Variants in RGPD2 observed in about 807,000 individuals in gnomAD.
The protein encoded by RGPD2 is RANBP2-like and GRIP domain-containing protein 2.
Under a neutral mutation model 36.0 loss-of-function variants are expected in RGPD2, and 2 were observed. That is an observed-to-expected ratio of 0.06 (90% CI 0.02 to 0.17). The LOEUF (loss-of-function observed/expected upper bound fraction) is 0.17, where lower values mean the gene tolerates loss of function less well. RGPD2 is among the 10% of genes least tolerant of loss of function. RGPD2 has a pLI of 1.00. For synonymous variants in RGPD2, 19 were observed against 163.8 expected (o/e 0.12, Z 6.75); for missense variants, 40 against 464.3 (o/e 0.09, Z 8.40).
the RGPD2 span, among the ~76,000 whole-genome samples, chr2:87,905,436 C>T: frequency 6.6e-6 from 1 of 151,964 alleles, no homozygotes; most frequent in African/African-American, 2.4e-5. Context: ...AAACAAACAC[C>T]AGATAAAAAC....
the RGPD2 span, among the ~76,000 whole-genome samples, chr2:87,929,093 G>C: frequency 3.3e-5 from 5 of 151,728 alleles, no homozygotes; most frequent in African/African-American, 1.2e-4. Flanking sequence ...GTTGCAATAG[G>C]TTTTGGCATC....
the RGPD2 span, among the ~76,000 whole-genome samples, chr2:87,936,210 C>G: frequency 2.0e-5 from 3 of 151,080 alleles, no homozygotes; most frequent in Non-Finnish European, 3.0e-5. Context: ...GAACTGAGAA[C>G]CCCTGGTGTT....
chr2:87,866,689 C>CT, the RGPD2 span, among the ~76,000 whole-genome samples: 5 of 152,226 alleles, frequency 3.3e-5, no homozygotes, highest in Non-Finnish European at 7.3e-5. Context: ...GGCGGATCCA[C>CT]GGCACACACC....
chr2:87,855,355 T>C, the RGPD2 span, among the ~76,000 whole-genome samples: 2 of 150,680 alleles, frequency 1.3e-5, no homozygotes, highest in African/African-American at 2.4e-5. Context: ...CCAACGATGA[T>C]TGAGAGCTCC....
intron 22 of RGPD2, chr2:87,771,383 GTTTTTTTTTTTTTTTTT>G (rs771252838): frequency 1.8e-4 from 4 of 22,732 alleles, no homozygotes; most frequent in Non-Finnish European, 2.4e-4. Flanking sequence ...CTACATCATA[GTTTTTTTTTTTTTTTTT>G]TTTTTTTTTT....
chr2:87,974,012 G>C, the RGPD2 span, among the ~76,000 whole-genome samples: 1 of 152,162 alleles, frequency 6.6e-6, no homozygotes, highest in African/African-American at 2.4e-5. Flanking sequence ...ACTGAAGCAG[G>C]GTCACTGTGT....
At chr2:87,831,303 G>T in the RGPD2 span, among the ~76,000 whole-genome samples, 4 of 152,060 alleles carry the variant, frequency 2.6e-5, no homozygotes, top group Admixed American at 6.6e-5. Flanking sequence ...ACTGGACACA[G>T]TGTAAGGAAA....
the RGPD2 span, among the ~76,000 whole-genome samples, chr2:87,974,925 A>G: frequency 6.6e-6 from 1 of 152,036 alleles, no homozygotes; most frequent in Non-Finnish European, 1.5e-5. Context: ...ACCATATACC[A>G]TAGAGGATCC....
chr2:87,880,118 G>A, the RGPD2 span, among the ~76,000 whole-genome samples: 1 of 119,920 alleles, frequency 8.3e-6, no homozygotes, highest in Non-Finnish European at 1.7e-5. Flanking sequence ...CTTCTTTTGA[G>A]AAAAGTCTAT....
chr2:87,892,986 A>AT, the RGPD2 span, among the ~76,000 whole-genome samples: 2 of 143,324 alleles, frequency 1.4e-5, no homozygotes, highest in African/African-American at 2.6e-5. Context: ...CTATGTTTGT[A>AT]TTTTTTCTTT....
chr2:87,756,449 C>T lies in RGPD2; in HGVS notation c.*943G>A, dbSNP rs1228211983. ...TCTCATCATGTATGTAACATGTATC[C>T]ATGTATCATCATTAAGTGATCTCAT... On this transcript the variant is annotated 3_prime_UTR_variant, in exon 23 of 23. Transcript: ENST00000398146. 13 of 237,912 alleles carry T rather than the reference C, an allele frequency of 5.5e-5. No individual in the cohort carries two copies. The highest frequency in any genetic ancestry group is 2.0e-4 in the African/African-American group (9 of 44,658). 14.7% of individuals were successfully genotyped at this position (237,912 alleles called of 1,614,324 possible). A position where few individuals can be genotyped will look rare whatever the true frequency, so the allele number is the denominator to read the frequency against.
the RGPD2 span, among the ~76,000 whole-genome samples, chr2:87,860,275 C>T: frequency 6.6e-6 from 1 of 151,874 alleles, no homozygotes; most frequent in Non-Finnish European, 1.5e-5. Flanking sequence ...CTGGCCACTT[C>T]CTGCTTCATA....
chr2:87,756,358 T>G lies in RGPD2; in HGVS notation c.*1034A>C, dbSNP rs1471045815. ...TGAAGAAATAGAAGTGGGTTGGATC[T>G]CTTTCAGCCTCGGAAAAGCCTGCCA... On this transcript the variant is annotated 3_prime_UTR_variant, in exon 23 of 23. Transcript: ENST00000398146. The G allele has an allele frequency of 1.5e-5, 2 of 137,136 alleles. No homozygotes were observed. Among genetic ancestry groups the G allele is most frequent in the Non-Finnish European group, 3.2e-5 (2 of 62,180 alleles). 8.5% of individuals were successfully genotyped at this position (137,136 alleles called of 1,614,324 possible). A position where few individuals can be genotyped will look rare whatever the true frequency, so the allele number is the denominator to read the frequency against.
chr2:87,847,320 T>G, the RGPD2 span, among the ~76,000 whole-genome samples: 1 of 152,226 alleles, frequency 6.6e-6, no homozygotes, highest in African/African-American at 2.4e-5. Flanking sequence ...TATTTCTGTT[T>G]TTTAATATAC....
At chr2:87,848,880 G>A in the RGPD2 span, among the ~76,000 whole-genome samples, 2 of 150,186 alleles carry the variant, frequency 1.3e-5, no homozygotes, top group Admixed American at 1.3e-4. Context: ...GTGTGTGTGT[G>A]TGTGTGCAAA....
At chr2:87,920,425 G>A in the RGPD2 span, among the ~76,000 whole-genome samples, 1 of 150,682 alleles carries the variant, frequency 6.6e-6, no homozygotes, top group African/African-American at 2.5e-5. Flanking sequence ...AGCTTTGAAT[G>A]TAGTAATGTA....
chr2:87,885,028 C>CA, the RGPD2 span, among the ~76,000 whole-genome samples: 1 of 152,076 alleles, frequency 6.6e-6, no homozygotes, highest in East Asian at 1.9e-4. Flanking sequence ...AACATAGATG[C>CA]AAAAATCTTC....
chr2:87,883,514 T>C, the RGPD2 span, among the ~76,000 whole-genome samples: 1 of 151,700 alleles, frequency 6.6e-6, no homozygotes, highest in African/African-American at 2.4e-5. Context: ...GTTAAAGGGC[T>C]TAGTGTAGCT....
At chr2:87,972,709 G>C in the RGPD2 span, 1 of 1,604,510 alleles carries the variant, frequency 6.2e-7, no homozygotes, top group Non-Finnish European at 8.5e-7. Context: ...GGGCACTTCG[G>C]GCGCCGCAAC....
Sources: allele counts gnomAD v4.1 joint callset (sites outside exome capture counted in the v4.1 genomes callset), GRCh38; gene constraint gnomAD v4.1.1; transcripts MANE v1.5; gene names NCBI Gene and HGNC (gene_info 2026-07-23, HGNC 2026-07-21).